The following PYGL variants were observed in gnomAD, a reference collection of about 807,000 sequenced individuals.
PYGL encodes the protein glycogen phosphorylase L.
Under a neutral mutation model 100.1 loss-of-function variants are expected in PYGL, and 90 were observed. The observed-to-expected ratio is 0.90, with a 90% CI of 0.76 to 1.07. The LOEUF is 1.07. Ranked by LOEUF, PYGL falls within the 50% of genes least tolerant of loss-of-function variation. PYGL has a pLI of 0.00. For synonymous variants in PYGL, 373 were observed against 393.0 expected (o/e 0.95, Z 0.60); for missense variants, 1,016 against 1,057.6 (o/e 0.96, Z 0.55).
chr14:50,930,063 A>C (rs2050589251), intron 4 of PYGL, among the ~76,000 whole-genome samples: 1 of 152,136 alleles, frequency 6.6e-6, no homozygotes, highest in South Asian at 2.1e-4. Context: ...TTACCCTTAT[A>C]ACTCTATATC....
At position 50,910,057 on chromosome 14, in the gene PYGL, G is replaced by A; in HGVS notation, c.2015C>T (p.Thr672Ile). ...CATATTGCCTGTCCCCGAGGCTTCG[G>A]TGCCTGCAGTGGAAATCTGCTCTGA... Reference protein sequence around the residue: ...DLSEQISTAGTEASGTGNMKF... With the variant: ...DLSEQISTAGIEASGTGNMKF... The change falls in exon 17 of 20, where the codon ACC becomes ATC. Residue 672 changes from threonine to isoleucine, a missense_variant. By Grantham distance (89) the Thr-to-Ile change is moderately conservative. Coordinates refer to ENST00000216392, the MANE Select transcript of PYGL (RefSeq NM_002863.5). 5.0e-6 allele frequency: 8 copies of A among 1,614,188 alleles called. No individual in the cohort carries two copies. The highest frequency in any genetic ancestry group is 1.1e-5 in the South Asian group (1 of 91,082).
In PYGL at chr14:50,917,492, G is replaced by A. The variant is rs146623015; in HGVS notation, c.856-387C>T. 4.0e-3 allele frequency among the ~76,000 whole-genome samples: 603 copies of A among 152,310 alleles called. 3 individuals are homozygous for A. The highest frequency in any genetic ancestry group is 6.9e-3 in the Admixed American group (106 of 15,302). The stretch of plus-strand genomic sequence containing the variant: ...GGAGCTCCCCAAGGCTCAGGAATTG[G>A]TAGTACCAAGTACTGGGAAGCAGGG... On this transcript the variant is annotated intron_variant, in intron 7 of 19. Coordinates refer to ENST00000216392, the MANE Select transcript of PYGL (RefSeq NM_002863.5).
Position 50,916,654 on chromosome 14 carries a change from C to T in PYGL, c.1080G>A (p.Leu360=). The T allele has an allele frequency of 6.2e-7, 1 of 1,612,958 alleles. No individual in the cohort carries two copies. ...AAACTATCCAGACCTTGGACCAGGG[C>T]AGTTTTTCAATATCCACAAAAATCC... ...LMRIFVDIEK[L]PWSKAWELTQ... is the part of the protein sequence containing the mutation. The change falls in exon 9 of 20, where the codon CTG becomes CTA. Residue 360 remains leucine (L), a synonymous_variant. Coordinates refer to ENST00000216392, the MANE Select transcript of PYGL (RefSeq NM_002863.5).
At chr14:50,943,992 T>C (rs2050724835) in intron 1 of PYGL, among the ~76,000 whole-genome samples, 169 bp downstream of exon 1, 1 of 152,180 alleles carries the variant, frequency 6.6e-6, no homozygotes, top group African/African-American at 2.4e-5. Context: ...AGGCCTAATC[T>C]GTCCCCCAGG....
chr14:50,917,081 A>G lies in PYGL; in HGVS notation c.880T>C (p.Leu294=), dbSNP rs181870928. The G allele has an allele frequency of 9.3e-6, 15 of 1,614,090 alleles. No individual in the cohort carries two copies. The highest frequency in any genetic ancestry group is 8.3e-5 in the Admixed American group (5 of 60,032). The change falls in exon 8 of 20, where the codon TTG becomes CTG. Residue 294 remains leucine (L), a synonymous_variant. Coordinates refer to ENST00000216392, the MANE Select transcript of PYGL (RefSeq NM_002863.5). ...GCCACCACAAAGTATTCCTGCTTCAATCTTAGCTCCTTCCCTTCAAAAAAC... is the reference window on the plus strand; with the variant it reads ...GCCACCACAAAGTATTCCTGCTTCAGTCTTAGCTCCTTCCCTTCAAAAAAC... ...DNFFEGKELR[L]KQEYFVVAAT... is the part of the protein sequence containing the mutation.
intron 3 of PYGL, among the ~76,000 whole-genome samples, chr14:50,932,330 C>G (rs1389909376): frequency 6.6e-6 from 1 of 152,192 alleles, no homozygotes; most frequent in African/African-American, 2.4e-5. Context: ...GAGGCTGAAC[C>G]AGGAAGTGAA....
In PYGL at chr14:50,915,344, C is replaced by G; in HGVS notation, c.1395G>C (p.Lys465Asn). ...GVAKIHSDIV[K>N]TKVFKDFSEL... The stretch of plus-strand genomic sequence containing the variant: ...GAGTAATGGAGGCTCACACTTTAGT[C>G]TTCACGATGTCTGAGTGGATTTTAG... The change falls in exon 11 of 20, where the codon AAG becomes AAC. Residue 465 changes from lysine (K) to asparagine (N), a missense_variant. Transcript: ENST00000216392. 1 of 1,614,150 alleles carries G rather than the reference C, an allele frequency of 6.2e-7. No homozygotes were observed. The highest frequency in any genetic ancestry group is 1.1e-5 in the South Asian group (1 of 91,080).
intron 17 of PYGL, 118 bp downstream of exon 17, chr14:50,909,777 A>G (rs886441198): frequency 3.5e-6 from 4 of 1,152,290 alleles, no homozygotes; most frequent in African/African-American, 1.5e-5. Context: ...TTCTGCTGCC[A>G]CCTCTTATGT....
intron 4 of PYGL, among the ~76,000 whole-genome samples, chr14:50,928,794 GT>G (rs35098001): frequency 0.26 from 38,838 of 152,002 alleles, 5,557 homozygotes; most frequent in East Asian, 0.53. Context: ...AGTGTTACGT[GT>G]TGAGTGGGGG....
chr14:50,923,959 C>T lies in PYGL; in HGVS notation c.660+10G>A, dbSNP rs762279036. 2.5e-6 allele frequency: 4 copies of T among 1,613,122 alleles called. No homozygotes were observed. The South Asian group carries it at 3.3e-5, about 13-fold the overall frequency. On this transcript the variant is annotated intron_variant, in intron 5 of 19. Coordinates refer to ENST00000216392, the MANE Select transcript of PYGL (RefSeq NM_002863.5). Reference sequence around the variant, plus strand: ...ATACAAAACGCTGGCTATACGAGCACTCTGAATACTTGAGTGTCAATCCAC... The same window carrying T: ...ATACAAAACGCTGGCTATACGAGCATTCTGAATACTTGAGTGTCAATCCAC...
Position 50,917,122 on chromosome 14 carries a change from T to G in PYGL, c.856-17A>C. On this transcript the variant is annotated splice_polypyrimidine_tract_variant and intron_variant, in intron 7 of 19. Coordinates refer to ENST00000216392, the MANE Select transcript of PYGL (RefSeq NM_002863.5). ...TTCAAAAAACTTCAAGCCAGAGAGA[T>G]AGAATAAAAATGGTTCATATTGTAG... 3.1e-6 allele frequency: 5 copies of G among 1,612,398 alleles called. No homozygotes were observed. The highest frequency in any genetic ancestry group is 4.2e-6 in the Non-Finnish European group (5 of 1,178,632).
At chr14:50,925,959 G>A (rs898462603) in intron 4 of PYGL, among the ~76,000 whole-genome samples, 2 of 152,128 alleles carry the variant, frequency 1.3e-5, no homozygotes, top group African/African-American at 4.8e-5. Flanking sequence ...TTCCTAATAA[G>A]CTCCCAGGGG....
At chr14:50,922,613 G>T (rs1359578598) in intron 5 of PYGL, among the ~76,000 whole-genome samples, 2 of 152,136 alleles carry the variant, frequency 1.3e-5, no homozygotes, top group African/African-American at 4.8e-5. Context: ...TGCTCCCTCA[G>T]AGCTCACACC....
At chr14:50,908,114 T>G in intron 19 of PYGL, 157 bp downstream of exon 19, 3 of 563,728 alleles carry the variant, frequency 5.3e-6, no homozygotes, top group Non-Finnish European at 9.2e-6. Context: ...TTTTTTTTTG[T>G]TGTGGTTGTT....
rs553158616 is a variant in PYGL, at chr14:50,915,231, T to C, written c.1403+105A>G. 4 of 1,369,880 alleles carry C rather than the reference T, an allele frequency of 2.9e-6. No homozygotes were observed. In the African/African-American group the frequency reaches 5.8e-5, roughly 20 times the overall value. The allele number at this position is 1,369,880 out of a possible 1,614,324, so 84.9% of individuals were successfully genotyped here. On this transcript the variant is annotated intron_variant, in intron 11 of 19. Transcript: ENST00000216392. Reference sequence around the variant, plus strand: ...GTATAGAAGAAAATACTTTTAAACATTTGAACAAGGCCTTTCCTCATCCCT... The same window carrying C: ...GTATAGAAGAAAATACTTTTAAACACTTGAACAAGGCCTTTCCTCATCCCT...
At position 50,912,007 on chromosome 14, in the gene PYGL, C is replaced by G. The variant is rs770807009; in HGVS notation, c.1798G>C (p.Val600Leu). The change falls in exon 15 of 20, where the codon GTG becomes CTG. Residue 600 changes from valine to leucine, a missense_variant. Transcript: ENST00000216392. Reference sequence around the variant, plus strand: ...CCACCAATGATAACTGTCCTTGGCACGAATAACTTCTTAGGGTCTTTCTTA... The same window carrying G: ...CCACCAATGATAACTGTCCTTGGCAGGAATAACTTCTTAGGGTCTTTCTTA... ...RIKKDPKKLF[V>L]PRTVIIGGKA... is the part of the protein sequence containing the mutation. 6.2e-7 allele frequency: 1 copy of G among 1,613,910 alleles called. No homozygotes were observed. Among genetic ancestry groups the G allele is most frequent in the Admixed American group, 1.7e-5 (1 of 60,028 alleles).
chr14:50,905,777 T>G (rs1596028745), intron 19 of PYGL, among the ~76,000 whole-genome samples: 1 of 152,254 alleles, frequency 6.6e-6, no homozygotes, highest in South Asian at 2.1e-4. Context: ...AAAGGTATTT[T>G]TCACTCTAAG....
chr14:50,915,905 G>C lies in PYGL; in HGVS notation c.1159C>G (p.Arg387Gly), dbSNP rs773575319. Residue 387 changes from arginine to glycine, a missense_variant, in exon 10 of 20, where the codon CGC (arginine) becomes GGC (glycine). Arg to Gly is a moderately radical substitution (Grantham distance 125). Transcript: ENST00000216392. ...NHTVLPEALE[R>G]WPVDLVEKLL... Reference sequence around the variant, plus strand: ...TTCTCCACCAGGTCCACGGGCCAGCGCTCCAGGGCTTCCGGGAGCACTGTG... The same window carrying C: ...TTCTCCACCAGGTCCACGGGCCAGCCCTCCAGGGCTTCCGGGAGCACTGTG... The C allele has an allele frequency of 1.2e-6, 2 of 1,614,090 alleles. No homozygotes were observed. Among genetic ancestry groups the C allele is most frequent in the Non-Finnish European group, 1.7e-6 (2 of 1,180,022 alleles).
chr14:50,912,631 C>T (rs918596128), intron 13 of PYGL, among the ~76,000 whole-genome samples: 7 of 152,262 alleles, frequency 4.6e-5, no homozygotes, highest in East Asian at 1.9e-4. Flanking sequence ...GATGAGCCAC[C>T]GCGCCCGGCT....
Sources: gnomAD v4.1 joint callset for allele counts (sites outside exome capture counted in the v4.1 genomes callset) on GRCh38, gnomAD v4.1.1 for gene constraint, MANE v1.5 for transcripts, NCBI Gene and HGNC (gene_info 2026-07-23, HGNC 2026-07-21) for gene names.